UNC13C: variants seen among roughly 807,000 people sequenced by gnomAD.
UNC13C encodes the protein protein unc-13 homolog C.
In UNC13C, 174 loss-of-function variants were observed where a neutral mutation model predicts 245.4. The observed-to-expected ratio is 0.71, with a 90% CI of 0.63 to 0.80. The LOEUF is 0.80. Among genes scored for constraint, UNC13C ranks in the 30% least tolerant of loss-of-function variants. The pLI, the probability that UNC13C is intolerant of heterozygous loss-of-function variation, is 0.00. For synonymous variants in UNC13C, 992 were observed against 895.1 expected, an observed-to-expected ratio of 1.11 and a Z score of -1.93; for missense variants, 2,829 against 2,602.9, an observed-to-expected ratio of 1.09 and a Z score of -1.89.
At chr15:54,447,736 C>A (rs7165073) in intron 19 of UNC13C, among the ~76,000 whole-genome samples, 60,625 of 151,814 alleles carry the variant, frequency 0.4, 12,349 homozygotes, top group East Asian at 0.62. Flanking sequence ...TCCTGGATTC[C>A]CTGATTTTTT....
intron 1 of UNC13C, among the ~76,000 whole-genome samples, chr15:53,981,911 C>T (rs1893943362): frequency 1.3e-5 from 2 of 151,986 alleles, no homozygotes; most frequent in South Asian, 4.1e-4. Context: ...CTTTTATATC[C>T]TAGTCATATT....
intron 14 of UNC13C, among the ~76,000 whole-genome samples, chr15:54,325,061 CA>C (rs1478174668): frequency 2.0e-5 from 3 of 151,650 alleles, no homozygotes; most frequent in Admixed American, 1.3e-4. Context: ...TCATGGAAGC[CA>C]AAAGATTGAA....
chr15:54,017,805 C>A (rs1895728323), intron 2 of UNC13C, among the ~76,000 whole-genome samples: 1 of 152,136 alleles, frequency 6.6e-6, no homozygotes, highest in East Asian at 1.9e-4. Context: ...AAGAATAAAA[C>A]CACGGATAAA....
chr15:54,280,759 TACATACATACATATATATATATACAC>T (rs57185487), intron 10 of UNC13C, among the ~76,000 whole-genome samples: 1 of 135,828 alleles, frequency 7.4e-6, no homozygotes, highest in African/African-American at 3.1e-5. Flanking sequence ...TATATACACA[TACATACATACATATATATATATACAC>T]ATATATATAT....
intron 14 of UNC13C, among the ~76,000 whole-genome samples, chr15:54,330,739 C>T (rs1303448033): frequency 1.3e-5 from 2 of 152,078 alleles, no homozygotes; most frequent in African/African-American, 4.8e-5. Flanking sequence ...GACTGTATAG[C>T]TTGCCTCATC....
At chr15:54,473,679 G>C (rs1892579261) in intron 19 of UNC13C, among the ~76,000 whole-genome samples, 1 of 151,388 alleles carries the variant, frequency 6.6e-6, no homozygotes, top group African/African-American at 2.4e-5. Flanking sequence ...CCTTTTTACA[G>C]CTCAATAGTA....
chr15:54,015,047 C>T lies in UNC13C; in HGVS notation c.2144C>T (p.Thr715Ile), dbSNP rs1895579574. Residue 715 changes from threonine to isoleucine, a missense_variant, in exon 2 of 33, where the codon ACT becomes ATT. By Grantham distance (89) the Thr-to-Ile change is moderately conservative. Coordinates refer to ENST00000260323, the MANE Select transcript of UNC13C (RefSeq NM_001080534.3). ...LQDDSESYDL[T>I]QDDNSSPCPG... The stretch of plus-strand genomic sequence containing the variant: ...GATGACTCAGAGAGCTACGACTTAA[C>T]TCAAGATGACAATTCTTCTCCATGC... 1 of 1,612,910 alleles carries T rather than the reference C, an allele frequency of 6.2e-7. No individual in the cohort carries two copies.
At chr15:54,306,450 T>G (rs1435030612) in intron 13 of UNC13C, among the ~76,000 whole-genome samples, 1 of 152,006 alleles carries the variant, frequency 6.6e-6, no homozygotes, top group African/African-American at 2.4e-5. Flanking sequence ...TTTTGCATCA[T>G]GGGGTGAGGC....
chr15:54,241,002 T>A (rs1488381240), intron 7 of UNC13C, among the ~76,000 whole-genome samples: 2 of 152,216 alleles, frequency 1.3e-5, no homozygotes, highest in Non-Finnish European at 2.9e-5. Flanking sequence ...TCTACTTTCA[T>A]GAGGCTTACC....
At chr15:54,395,230 G>C (rs2040045630) in intron 18 of UNC13C, among the ~76,000 whole-genome samples, 1 of 151,860 alleles carries the variant, frequency 6.6e-6, no homozygotes, top group Admixed American at 6.6e-5. Flanking sequence ...TGGAGACCAA[G>C]ATGGCATCCT....
At chr15:54,423,220 A>G (rs1160597977) in intron 19 of UNC13C, among the ~76,000 whole-genome samples, 3 of 151,880 alleles carry the variant, frequency 2.0e-5, no homozygotes. Flanking sequence ...GGTTGAAGCT[A>G]GCAGTTTAAC....
the UNC13C span, among the ~76,000 whole-genome samples, chr15:53,915,533 T>C: frequency 1.3e-5 from 2 of 152,136 alleles, no homozygotes; most frequent in East Asian, 1.9e-4. Context: ...ATGTTTGTAA[T>C]ACGTAATGTT....
At chr15:54,082,777 T>C (rs946655567) in intron 2 of UNC13C, among the ~76,000 whole-genome samples, 1 of 152,212 alleles carries the variant, frequency 6.6e-6, no homozygotes, top group Non-Finnish European at 1.5e-5. Flanking sequence ...AGGGTATGAC[T>C]ATGGTATATG....
At chr15:53,918,002 C>T in the UNC13C span, among the ~76,000 whole-genome samples, 9 of 152,062 alleles carry the variant, frequency 5.9e-5, no homozygotes, top group African/African-American at 1.7e-4. Flanking sequence ...GGGCCGGGCA[C>T]GGGGGGTAGC....
intron 23 of UNC13C, among the ~76,000 whole-genome samples, chr15:54,510,246 C>G (rs1356924565): frequency 5.3e-5 from 8 of 152,152 alleles, no homozygotes; most frequent in Admixed American, 6.5e-5. Context: ...TTGGATTTCT[C>G]CCTGGTAGGA....
chr15:54,413,496 T>C (rs1371134776), intron 18 of UNC13C, among the ~76,000 whole-genome samples: 1 of 152,184 alleles, frequency 6.6e-6, no homozygotes, highest in Non-Finnish European at 1.5e-5. Context: ...CCTAGGGTTA[T>C]TTTTATATCA....
At chr15:54,602,846 C>T (rs139987268) in intron 30 of UNC13C, among the ~76,000 whole-genome samples, 1 of 9,850 alleles carries the variant, frequency 1.0e-4, no homozygotes, top group Non-Finnish European at 1.6e-4. Flanking sequence ...TTCACTTGTT[C>T]ATTTTCTTTT....
chr15:53,976,887 A>G (rs547758900), upstream of UNC13C: 4 of 152,274 alleles, frequency 2.6e-5, no homozygotes, highest in South Asian at 2.1e-4. Flanking sequence ...TATGTATTAA[A>G]ACACGTTCTT....
intron 2 of UNC13C, among the ~76,000 whole-genome samples, chr15:54,075,197 C>T (rs979623520): frequency 3.3e-5 from 5 of 152,034 alleles, no homozygotes; most frequent in Non-Finnish European, 5.9e-5. Flanking sequence ...TCAAAAGTCA[C>T]ATCCAAGGCC....
Sources: allele counts gnomAD v4.1 joint callset (sites outside exome capture counted in the v4.1 genomes callset), GRCh38; gene constraint gnomAD v4.1.1; transcripts MANE v1.5; gene names NCBI Gene and HGNC (gene_info 2026-07-23, HGNC 2026-07-21).